Variants in DYSF observed in about 807,000 individuals in gnomAD.
DYSF encodes the protein dystrophy-associated fer-1-like 1.
Under a neutral mutation model 274.9 loss-of-function variants are expected in DYSF, and 212 were observed. The observed-to-expected ratio is 0.77, with a 90% confidence interval of 0.69 to 0.86. DYSF has a LOEUF of 0.86. Ranked by LOEUF, DYSF falls within the 40% of genes least tolerant of loss-of-function variation. The pLI is 0.00. For synonymous variants in DYSF, 1,091 were observed against 1,078.7 expected (o/e 1.01, Z -0.22); for missense variants, 2,666 against 2,783.2 (o/e 0.96, Z 0.95).
chr2:71,686,430 T>C (rs2095357543), intron 55 of DYSF, 24 bp from the exon 56 acceptor site: 5 of 1,613,624 alleles, frequency 3.1e-6, no homozygotes, highest in Non-Finnish European at 4.2e-6. Context: ...TCACCATGGG[T>C]CCCTGTCTCC....
chr2:71,627,186 G>A lies in DYSF; in HGVS notation c.4527+6577G>A, dbSNP rs184102022. ...TTTTATTTCTTTTCTTCCATTTTGG[G>A]GGAGTTTATTATATTTTAACCTCTA... On this transcript the variant is annotated intron_variant, in intron 41 of 55. Coordinates refer to ENST00000410020, the MANE Select transcript of DYSF (RefSeq NM_001130987.2). Among the ~76,000 whole-genome samples, 325 of 149,060 alleles carry A rather than the reference G, an allele frequency of 2.2e-3. 2 individuals are homozygous for A. Among genetic ancestry groups the A allele is most frequent in the African/African-American group, 7.3e-3 (296 of 40,570 alleles).
At position 71,568,355 on chromosome 2, in the gene DYSF, G is replaced by T; in HGVS notation, c.2864+17G>T. ...GGAGAAGACGTGAGTCGTGGGCAGGGAGGGCTGGGGAGAGCCAGGCCAGGC... is the reference window on the plus strand; with the variant it reads ...GGAGAAGACGTGAGTCGTGGGCAGGTAGGGCTGGGGAGAGCCAGGCCAGGC... On this transcript the variant is annotated intron_variant, in intron 26 of 55. Transcript: ENST00000410020. The T allele has an allele frequency of 6.2e-7, 1 of 1,612,984 alleles. No homozygotes were observed. Among genetic ancestry groups the T allele is most frequent in the Non-Finnish European group, 8.5e-7 (1 of 1,179,262 alleles).
chr2:71,565,380 G>A (rs62143854), intron 24 of DYSF, among the ~76,000 whole-genome samples: 2 of 151,772 alleles, frequency 1.3e-5, no homozygotes, highest in African/African-American at 2.4e-5. Context: ...GTGAGCCACC[G>A]CGCCAGCCCT....
At chr2:71,676,844 G>T (rs1168829567) in intron 52 of DYSF, among the ~76,000 whole-genome samples, 1 of 151,906 alleles carries the variant, frequency 6.6e-6, no homozygotes, top group Non-Finnish European at 1.5e-5. Flanking sequence ...AAAGGTAATG[G>T]TTAAGCACCT....
rs767335937 is a variant in DYSF, at chr2:71,674,214, G to A, written c.5802G>A (p.Leu1934=). The A allele has an allele frequency of 6.2e-7, 1 of 1,614,200 alleles. No homozygotes were observed. Among genetic ancestry groups the A allele is most frequent in the Non-Finnish European group, 8.5e-7 (1 of 1,180,030 alleles). ...TIAKKDAFWR[L]DKTESKIPAR... is the part of the protein sequence containing the mutation. ...CGGGTCAGGATGCCTTCTGGAGGCT[G>A]GACAAGACTGAGAGCAAAATCCCAG... Residue 1934 remains leucine, a synonymous_variant, in exon 52 of 56, where the codon CTG becomes CTA. Transcript: ENST00000410020.
intron 23 of DYSF, 148 bp from the exon 24 acceptor site, chr2:71,563,910 G>A (rs915518691): frequency 4.3e-6 from 5 of 1,157,694 alleles, no homozygotes; most frequent in Non-Finnish European, 6.2e-6. Flanking sequence ...GAGGTCTGGG[G>A]GAAGGCCAGG....
At position 71,581,457 on chromosome 2, in the gene DYSF, G is replaced by T. The variant is rs545451494; in HGVS notation, c.3402+7086G>T. On this transcript the variant is annotated intron_variant, in intron 30 of 55. Coordinates refer to ENST00000410020, the MANE Select transcript of DYSF (RefSeq NM_001130987.2). ...TGTGTTCCGTTCTGTCTTTTAAAGG[G>T]TTCCCCTCCTTTGGCCTGGGCTCCT... Among the ~76,000 whole-genome samples, 4 of 152,358 alleles carry T rather than the reference G, an allele frequency of 2.6e-5. No homozygotes were observed. The South Asian group carries it at 8.3e-4, about 32-fold the overall frequency.
rs186016059 is a variant in DYSF, at chr2:71,491,771, C to T, written c.239+9801C>T. Among the ~76,000 whole-genome samples, 9 of 152,318 alleles carry T rather than the reference C, an allele frequency of 5.9e-5. No individual in the cohort carries two copies. In the East Asian group the frequency reaches 7.7e-4, roughly 13 times the overall value. ...TTCTTTTTCATGGCTGCATAGTATT[C>T]CAGGGTGTATATGTATCACGTTTTC... On this transcript the variant is annotated intron_variant, in intron 3 of 55. Transcript: ENST00000410020.
At chr2:71,542,628 G>A (rs369330764) in intron 17 of DYSF, among the ~76,000 whole-genome samples, 5,450 of 152,138 alleles carry the variant, frequency 0.036, 111 homozygotes, top group African/African-American at 0.062. Context: ...ATCTTGCACC[G>A]CCCTTAATCC....
At chr2:71,583,275 A>G (rs746510323) in intron 30 of DYSF, among the ~76,000 whole-genome samples, 4 of 152,168 alleles carry the variant, frequency 2.6e-5, no homozygotes, top group South Asian at 2.1e-4. Flanking sequence ...CCCCTTTTAC[A>G]TAAGAGATGG....
intron 38 of DYSF, 77 bp from the exon 39 acceptor site, chr2:71,612,563 AT>A: frequency 6.3e-7 from 1 of 1,588,008 alleles, no homozygotes; most frequent in Non-Finnish European, 8.6e-7. Context: ...GTTTATAGTC[AT>A]TTTCTGCTCT....
At chr2:71,453,788 G>A (rs1369646748) in exon 1 of DYSF, 2 of 602,856 alleles carry the variant, frequency 3.3e-6, no homozygotes, top group Non-Finnish European at 6.0e-6. Flanking sequence ...AGCGCAGCCG[G>A]GGCGGGGACC....
rs776155401 is a variant in DYSF, at chr2:71,590,197, T to C, written c.3497-14T>C. The C allele has an allele frequency of 6.2e-7, 1 of 1,614,102 alleles. No homozygotes were observed. The highest frequency in any genetic ancestry group is 1.1e-5 in the South Asian group (1 of 91,070). On this transcript the variant is annotated splice_polypyrimidine_tract_variant and intron_variant, in intron 31 of 55. Coordinates refer to ENST00000410020, the MANE Select transcript of DYSF (RefSeq NM_001130987.2). ...CCACTCACTCTGGCACCTCTGTTTT[T>C]TCCCTTGGTGAAGATGGGAACCGCT...
chr2:71,550,209 G>A (rs2152785408), intron 17 of DYSF, among the ~76,000 whole-genome samples: 1 of 152,312 alleles, frequency 6.6e-6, no homozygotes, highest in East Asian at 1.9e-4. Flanking sequence ...CCTCTGAAAG[G>A]GACACTGTGG....
At chr2:71,652,055 T>C (rs140968713) in intron 42 of DYSF, among the ~76,000 whole-genome samples, 28 of 152,340 alleles carry the variant, frequency 1.8e-4, no homozygotes, top group Non-Finnish European at 4.0e-4. Context: ...TCAGAAGGTT[T>C]CTTTACTGTA....
At chr2:71,559,954 C>T (rs1190079011) in intron 22 of DYSF, among the ~76,000 whole-genome samples, 1 of 152,238 alleles carries the variant, frequency 6.6e-6, no homozygotes, top group East Asian at 1.9e-4. Flanking sequence ...CAGGTATCCA[C>T]CTGGCCCCGC....
At chr2:71,518,507 T>C (rs1340716801) in intron 10 of DYSF, among the ~76,000 whole-genome samples, 2 of 151,510 alleles carry the variant, frequency 1.3e-5, no homozygotes, top group South Asian at 2.1e-4. Flanking sequence ...CCTTGTGATC[T>C]GGCTACCTTG....
At chr2:71,534,016 C>T (rs761340476) in intron 14 of DYSF, among the ~76,000 whole-genome samples, 1 of 145,650 alleles carries the variant, frequency 6.9e-6, no homozygotes, top group Non-Finnish European at 1.5e-5. Context: ...AATCCTGGCA[C>T]TCAGCCCCAC....
At chr2:71,582,290 C>T (rs1030844138) in intron 30 of DYSF, among the ~76,000 whole-genome samples, 2 of 152,056 alleles carry the variant, frequency 1.3e-5, no homozygotes, top group Non-Finnish European at 2.9e-5. Context: ...GTCTGTCAAC[C>T]TCTGTTCTAG....
Sources: gnomAD v4.1 joint callset for allele counts (sites outside exome capture counted in the v4.1 genomes callset) on GRCh38, gnomAD v4.1.1 for gene constraint, MANE v1.5 for transcripts, NCBI Gene and HGNC (gene_info 2026-07-23, HGNC 2026-07-21) for gene names.